Variants in TNR observed in about 807,000 individuals in gnomAD.
TNR encodes the protein tenascin-R.
Under a neutral mutation model 150.4 loss-of-function variants are expected in TNR, and 45 were observed. The observed-to-expected ratio is 0.30, with a 90% confidence interval of 0.24 to 0.38. The LOEUF (loss-of-function observed/expected upper bound fraction) is 0.38, where lower values mean the gene tolerates loss of function less well. TNR is among the 10% of genes least tolerant of loss of function. The pLI, the probability that TNR is intolerant of heterozygous loss-of-function variation, is 1.00. For missense variants in TNR, 1,544 were observed against 1,759.1 expected, an observed-to-expected ratio of 0.88 and a Z score of 2.19; for synonymous variants, 687 against 678.4, an observed-to-expected ratio of 1.01 and a Z score of -0.20.
intron 2 of TNR, among the ~76,000 whole-genome samples, chr1:175,492,267 T>G (rs1658293102): frequency 6.6e-6 from 1 of 152,236 alleles, no homozygotes; most frequent in African/African-American, 2.4e-5. Flanking sequence ...ATGAGAGCCA[T>G]TTAGTGATCA....
chr1:175,627,589 A>G (rs1022357757), intron 1 of TNR, among the ~76,000 whole-genome samples: 1 of 152,212 alleles, frequency 6.6e-6, no homozygotes, highest in Non-Finnish European at 1.5e-5. Flanking sequence ...GGAACATTGT[A>G]AAGATTAAAT....
At chr1:175,661,348 A>C (rs1006936622) in intron 1 of TNR, among the ~76,000 whole-genome samples, 2 of 152,228 alleles carry the variant, frequency 1.3e-5, no homozygotes, top group Admixed American at 1.3e-4. Flanking sequence ...CTTATGATAA[A>C]TGATAAAGAT....
At position 175,386,066 on chromosome 1, in the gene TNR, G is replaced by C. The variant is rs758748473; in HGVS notation, c.1743C>G (p.Asn581Lys). ...ACTGAGTGGTGGCAGAATCGCTCTC[G>C]TTGGTCCCTCGGACGGCACTGACTG... ...EVSVSAVRGT[N>K]ESDSATTQFT... Residue 581 changes from asparagine to lysine, a missense_variant, in exon 8 of 23, where the codon AAC (asparagine) becomes AAG (lysine). Asn to Lys is a moderately conservative substitution (Grantham distance 94). Transcript: ENST00000367674. 1.2e-6 allele frequency: 2 copies of C among 1,605,766 alleles called. No individual in the cohort carries two copies. Among genetic ancestry groups the C allele is most frequent in the Admixed American group, 1.7e-5 (1 of 59,126 alleles).
chr1:175,622,656 A>G (rs1444559874), intron 1 of TNR, among the ~76,000 whole-genome samples: 1 of 152,168 alleles, frequency 6.6e-6, no homozygotes, highest in Admixed American at 6.5e-5. Context: ...AGATGCCTGT[A>G]TTGGTTTCTT....
intron 1 of TNR, among the ~76,000 whole-genome samples, chr1:175,656,809 T>C (rs1420072039): frequency 6.6e-6 from 1 of 152,046 alleles, no homozygotes; most frequent in Non-Finnish European, 1.5e-5. Context: ...TTACATGTGG[T>C]TGTATGAGCT....
chr1:175,736,633 G>A (rs577169044), intron 1 of TNR, among the ~76,000 whole-genome samples: 1 of 152,202 alleles, frequency 6.6e-6, no homozygotes, highest in South Asian at 2.1e-4. Flanking sequence ...AACTCCCCAG[G>A]TCTTGCTTCT....
chr1:175,668,112 CT>C (rs369495679), intron 1 of TNR, among the ~76,000 whole-genome samples: 257 of 152,214 alleles, frequency 1.7e-3, no homozygotes, highest in African/African-American at 5.8e-3. Context: ...TAATACATAC[CT>C]TTTGATGAGC....
chr1:175,592,786 T>G (rs925173830), intron 1 of TNR, among the ~76,000 whole-genome samples: 2 of 152,344 alleles, frequency 1.3e-5, no homozygotes. Flanking sequence ...CCTTTGGTGC[T>G]TAGTCTCCTA....
intron 2 of TNR, among the ~76,000 whole-genome samples, chr1:175,452,975 C>T (rs942671377): frequency 1.3e-4 from 20 of 151,660 alleles, no homozygotes; most frequent in African/African-American, 4.6e-4. Context: ...CGGGAGTTAC[C>T]GTGTAATGGA....
chr1:175,674,623 A>G lies in TNR; in HGVS notation c.-165+68603T>C, dbSNP rs544769713. ...AGGGTGGCCAACCAACCCCTTTGCT[A>G]AACTGAGACAGTCCTGGGCCATCTA... On this transcript the variant is annotated intron_variant, in intron 1 of 22. Coordinates refer to ENST00000367674, the MANE Select transcript of TNR (RefSeq NM_003285.3). Among the ~76,000 whole-genome samples, 19 of 152,260 alleles carry G rather than the reference A, an allele frequency of 1.2e-4. No individual in the cohort carries two copies. In the South Asian group the frequency reaches 2.3e-3, roughly 18 times the overall value.
At chr1:175,440,060 C>A (rs1655708319) in intron 2 of TNR, among the ~76,000 whole-genome samples, 1 of 152,078 alleles carries the variant, frequency 6.6e-6, no homozygotes, top group Non-Finnish European at 1.5e-5. Context: ...ATGCTGCTAT[C>A]AAGACACATG....
intron 1 of TNR, among the ~76,000 whole-genome samples, chr1:175,661,112 T>A (rs981710911): frequency 6.6e-6 from 1 of 152,182 alleles, no homozygotes; most frequent in Non-Finnish European, 1.5e-5. Context: ...CACTCACACT[T>A]ATTTCCTGAG....
chr1:175,691,344 A>T (rs1010099639), intron 1 of TNR, among the ~76,000 whole-genome samples: 1 of 152,232 alleles, frequency 6.6e-6, no homozygotes, highest in Non-Finnish European at 1.5e-5. Context: ...GGAAGGTAGT[A>T]GTAGTAACAA....
intron 2 of TNR, among the ~76,000 whole-genome samples, chr1:175,442,306 G>C (rs77404983): frequency 3.9e-5 from 6 of 152,088 alleles, no homozygotes; most frequent in African/African-American, 1.4e-4. Context: ...AGGACAAGAC[G>C]ACCCCCCATC....
intron 20 of TNR, among the ~76,000 whole-genome samples, chr1:175,335,138 T>G (rs750965244): frequency 6.6e-6 from 1 of 152,232 alleles, no homozygotes; most frequent in Non-Finnish European, 1.5e-5. Context: ...TTTCCAGAAC[T>G]TGGCACCACC....
chr1:175,639,028 A>G (rs1219406872), intron 1 of TNR, among the ~76,000 whole-genome samples: 6 of 152,166 alleles, frequency 3.9e-5, no homozygotes, highest in Admixed American at 3.9e-4. Flanking sequence ...CATCTTCAGA[A>G]TATATTCAAG....
intron 20 of TNR, 31 bp downstream of exon 20, chr1:175,335,680 A>G: frequency 6.3e-7 from 1 of 1,585,698 alleles, no homozygotes; most frequent in Non-Finnish European, 8.6e-7. Flanking sequence ...CCAGAGAAGC[A>G]CATCAATGGA....
At chr1:175,441,729 G>A (rs1004659707) in intron 2 of TNR, among the ~76,000 whole-genome samples, 1 of 152,132 alleles carries the variant, frequency 6.6e-6, no homozygotes, top group Non-Finnish European at 1.5e-5. Context: ...AAACTGGCCT[G>A]AGTAGGACCA....
At chr1:175,643,607 A>G (rs1664729106) in intron 1 of TNR, among the ~76,000 whole-genome samples, 1 of 152,216 alleles carries the variant, frequency 6.6e-6, no homozygotes, top group Non-Finnish European at 1.5e-5. Context: ...AGGATCTAGG[A>G]AAAAGAAAAA....
Sources: gnomAD v4.1 joint callset for allele counts (sites outside exome capture counted in the v4.1 genomes callset) on GRCh38, gnomAD v4.1.1 for gene constraint, MANE v1.5 for transcripts, NCBI Gene and HGNC (gene_info 2026-07-23, HGNC 2026-07-21) for gene names.